Variants in SLC8A1 observed in about 807,000 individuals in gnomAD.
SLC8A1 encodes sodium/calcium exchanger 1.
SLC8A1 carries 18 observed loss-of-function variants against 68.3 expected under a neutral mutation model. The observed-to-expected ratio is 0.26, with a 90% confidence interval of 0.18 to 0.39. The LOEUF (loss-of-function observed/expected upper bound fraction) is 0.39. Among genes scored for constraint, SLC8A1 ranks in the 10% least tolerant of loss-of-function variants. The pLI, the probability that SLC8A1 is intolerant of heterozygous loss-of-function variation, is 1.00. For missense variants in SLC8A1, 985 were observed against 1,156.7 expected, an observed-to-expected ratio of 0.85 and a Z score of 2.15; for synonymous variants, 475 against 415.5, an observed-to-expected ratio of 1.14 and a Z score of -1.74.
intron 2 of SLC8A1, among the ~76,000 whole-genome samples, chr2:40,179,067 C>G (rs746424423): frequency 2.0e-5 from 3 of 152,074 alleles, no homozygotes; most frequent in African/African-American, 4.8e-5. Flanking sequence ...TTATTTCACC[C>G]CACCCAATGT....
intron 4 of SLC8A1, 50 bp from the exon 7 acceptor site, chr2:40,170,399 G>A: frequency 6.7e-7 from 1 of 1,486,626 alleles, no homozygotes. Context: ...GCATTGATTT[G>A]CTATCAGAGC....
chr2:40,304,887 C>T (rs931782538), intron 2 of SLC8A1, among the ~76,000 whole-genome samples: 1 of 152,084 alleles, frequency 6.6e-6, no homozygotes, highest in Admixed American at 6.6e-5. Context: ...GTCAGGTGAA[C>T]ATGGACTTCC....
At chr2:40,107,358 GA>G (rs2034281161) in exon 8 of SLC8A1, 1 of 151,056 alleles carries the variant, frequency 6.6e-6, no homozygotes. Flanking sequence ...TGTTTGGAGG[GA>G]AAATATAAAA....
At chr2:40,511,758 C>G (rs2149948708) in intron 1 of SLC8A1, among the ~76,000 whole-genome samples, 2 of 152,270 alleles carry the variant, frequency 1.3e-5, no homozygotes, top group Admixed American at 1.3e-4. Context: ...GTTTCAGCAA[C>G]TTCAACTTGC....
At chr2:40,128,075 C>T (rs1198642163) in intron 7 of SLC8A1, among the ~76,000 whole-genome samples, 4 of 152,150 alleles carry the variant, frequency 2.6e-5, no homozygotes, top group East Asian at 1.9e-4. Context: ...GTCTGTGTGC[C>T]GAGGAGCAGT....
At chr2:40,148,184 A>C (rs1157862637) in intron 6 of SLC8A1, among the ~76,000 whole-genome samples, 1 of 152,172 alleles carries the variant, frequency 6.6e-6, no homozygotes, top group Non-Finnish European at 1.5e-5. Flanking sequence ...AAAATACTAT[A>C]TTGTTCTTTC....
intron 1 of SLC8A1, among the ~76,000 whole-genome samples, chr2:40,449,283 T>A (rs1259881920): frequency 6.6e-6 from 1 of 152,142 alleles, no homozygotes; most frequent in Non-Finnish European, 1.5e-5. Flanking sequence ...TAAAGGGGAA[T>A]TGCAACTTCC....
chr2:40,409,225 A>C (rs1203995975), intron 2 of SLC8A1, among the ~76,000 whole-genome samples: 1 of 152,182 alleles, frequency 6.6e-6, no homozygotes, highest in Non-Finnish European at 1.5e-5. Context: ...AGTTGACTAA[A>C]ATACCCCTGT....
chr2:40,470,309 G>A (rs928091361), intron 1 of SLC8A1, among the ~76,000 whole-genome samples: 2 of 152,056 alleles, frequency 1.3e-5, no homozygotes, highest in Admixed American at 1.3e-4. Context: ...TTTTTAATAA[G>A]CATAGCCTTA....
intron 2 of SLC8A1, among the ~76,000 whole-genome samples, chr2:40,247,868 A>T (rs551002033): frequency 6.6e-6 from 1 of 152,324 alleles, no homozygotes; most frequent in South Asian, 2.1e-4. Context: ...ACAGGACTCC[A>T]CGTTCAATGC....
intron 2 of SLC8A1, chr2:40,196,052 G>A (rs1382160765): frequency 2.0e-5 from 3 of 151,526 alleles, no homozygotes; most frequent in Admixed American, 6.6e-5. Context: ...TCAACTTGAA[G>A]GAGGAAGTGC....
chr2:40,462,089 C>T (rs530542219), intron 1 of SLC8A1, among the ~76,000 whole-genome samples: 1 of 142,026 alleles, frequency 7.0e-6, no homozygotes, highest in South Asian at 2.2e-4. Flanking sequence ...TCACTGCAAG[C>T]TCCAGCTCCT....
At chr2:40,143,461 G>A (rs1215231959) in intron 6 of SLC8A1, among the ~76,000 whole-genome samples, 1 of 152,138 alleles carries the variant, frequency 6.6e-6, no homozygotes, top group East Asian at 1.9e-4. Context: ...AGACAGGTTG[G>A]TGGGTTTGCT....
intron 2 of SLC8A1, among the ~76,000 whole-genome samples, chr2:40,205,318 C>G (rs1030411710): frequency 1.3e-5 from 2 of 152,008 alleles, no homozygotes; most frequent in Non-Finnish European, 2.9e-5. Flanking sequence ...GGCCCTCTCT[C>G]TAGCCTATTG....
At chr2:40,494,343 T>C (rs1705531897) in intron 1 of SLC8A1, among the ~76,000 whole-genome samples, 1 of 152,056 alleles carries the variant, frequency 6.6e-6, no homozygotes, top group Non-Finnish European at 1.5e-5. Context: ...ATTAAATAAA[T>C]GATAAACATT....
chr2:40,249,891 GA>G (rs59382150), intron 2 of SLC8A1, among the ~76,000 whole-genome samples: 2,827 of 152,072 alleles, frequency 0.019, 62 homozygotes, highest in African/African-American at 0.05. Context: ...GATTTTAATT[GA>G]AAAAAATATA....
chr2:40,349,385 G>A (rs962120811), intron 2 of SLC8A1, among the ~76,000 whole-genome samples: 1 of 152,200 alleles, frequency 6.6e-6, no homozygotes, highest in Non-Finnish European at 1.5e-5. Flanking sequence ...AAGGATTTCT[G>A]TGGAAAATGT....
intron 2 of SLC8A1, among the ~76,000 whole-genome samples, chr2:40,234,570 T>C (rs2148918004): frequency 1.3e-5 from 2 of 152,288 alleles, no homozygotes; most frequent in South Asian, 4.1e-4. Context: ...CTTCCTCTTT[T>C]CCTAATTGAA....
At chr2:40,418,875 C>G (rs887531666) in intron 2 of SLC8A1, among the ~76,000 whole-genome samples, 2 of 152,060 alleles carry the variant, frequency 1.3e-5, no homozygotes, top group Non-Finnish European at 2.9e-5. Context: ...TGGGGAAAAG[C>G]AGGCACAGGG....
Sources: allele counts gnomAD v4.1 joint callset (sites outside exome capture counted in the v4.1 genomes callset), GRCh38; gene constraint gnomAD v4.1.1; transcripts MANE v1.5; gene names NCBI Gene and HGNC (gene_info 2026-07-23, HGNC 2026-07-21).